GLDC: variants seen among roughly 807,000 people sequenced by gnomAD.
GLDC encodes glycine decarboxylase, also known as glycine dehydrogenase (decarboxylating), mitochondrial.
Under a neutral mutation model 121.3 loss-of-function variants are expected in GLDC, and 104 were observed. That is an observed-to-expected ratio of 0.86 (90% CI 0.73 to 1.01). GLDC has a LOEUF of 1.01. GLDC is among the 50% of genes least tolerant of loss of function. The probability of loss-of-function intolerance (pLI) is 0.00; values close to 1 mark genes in which losing one functional copy is unlikely to be tolerated. For synonymous variants in GLDC, 546 were observed against 480.6 expected (o/e 1.14, Z -1.78); for missense variants, 1,429 against 1,306.6 (o/e 1.09, Z -1.44).
chr9:6,628,611 CCTCGT>C (rs2129976834), intron 2 of GLDC, among the ~76,000 whole-genome samples: 1 of 152,266 alleles, frequency 6.6e-6, no homozygotes, highest in African/African-American at 2.4e-5. Flanking sequence ...CATAGTGAGA[CCTCGT>C]CTCTACAAAA....
chr9:6,545,569 C>T (rs1484236470), intron 21 of GLDC, among the ~76,000 whole-genome samples: 1 of 152,172 alleles, frequency 6.6e-6, no homozygotes, highest in Non-Finnish European at 1.5e-5. Context: ...TTTGTGAACG[C>T]TGTACACTTA....
intron 16 of GLDC, among the ~76,000 whole-genome samples, 181 bp from the exon 17 acceptor site, chr9:6,558,865 A>G (rs970788980): frequency 7.2e-5 from 11 of 152,232 alleles, no homozygotes; most frequent in Non-Finnish European, 7.3e-5. Context: ...AGCAATGTCC[A>G]AAAAAAGTTT....
intron 22 of GLDC, 29 bp from the exon 23 acceptor site, chr9:6,536,265 C>T (rs1817129009): frequency 6.3e-7 from 1 of 1,599,380 alleles, no homozygotes; most frequent in Non-Finnish European, 8.5e-7. Flanking sequence ...GAACTTGCCT[C>T]ACTGAAGGTC....
At chr9:6,641,776 T>G (rs1819634750) in intron 2 of GLDC, among the ~76,000 whole-genome samples, 1 of 152,240 alleles carries the variant, frequency 6.6e-6, no homozygotes, top group Non-Finnish European at 1.5e-5. Flanking sequence ...ATTTCCAAAC[T>G]GATCACAATC....
intron 18 of GLDC, among the ~76,000 whole-genome samples, chr9:6,555,515 T>TC (rs1206449792): frequency 5.9e-5 from 9 of 151,282 alleles, no homozygotes; most frequent in Non-Finnish European, 8.8e-5. Flanking sequence ...ACACCTGTAA[T>TC]CCTAGCACTT....
At chr9:6,626,823 C>A (rs908929839) in intron 2 of GLDC, among the ~76,000 whole-genome samples, 2 of 152,180 alleles carry the variant, frequency 1.3e-5, no homozygotes, top group Non-Finnish European at 2.9e-5. Flanking sequence ...GCCACTCAGG[C>A]ACTGGTCATG....
rs574881547 is a variant in GLDC, at chr9:6,544,712, A to G, written c.2570-4566T>C. Among the ~76,000 whole-genome samples the G allele has an allele frequency of 4.4e-3, 623 of 141,506 alleles. 3 individuals are homozygous for G. Among genetic ancestry groups the G allele is most frequent in the Non-Finnish European group, 5.2e-3 (349 of 67,008 alleles). The allele number at this position is 141,506 out of a possible 152,430, so 92.8% of individuals were successfully genotyped here. A position where few individuals can be genotyped will look rare whatever the true frequency, so the allele number is the denominator to read the frequency against. On this transcript the variant is annotated intron_variant, in intron 21 of 24. Transcript: ENST00000321612. ...AAAGAAAACGTTGGGATACTAACAAAGTCATCTCCTCCTACTAATGGGAAC... is the reference window on the plus strand; with the variant it reads ...AAAGAAAACGTTGGGATACTAACAAGGTCATCTCCTCCTACTAATGGGAAC...
At chr9:6,631,180 C>G (rs1819370001) in intron 2 of GLDC, among the ~76,000 whole-genome samples, 1 of 152,216 alleles carries the variant, frequency 6.6e-6, no homozygotes, top group African/African-American at 2.4e-5. Context: ...TCCCTGTCTT[C>G]TTGCTCAGCC....
chr9:6,618,206 A>C (rs1819003842), intron 3 of GLDC, among the ~76,000 whole-genome samples: 1 of 152,228 alleles, frequency 6.6e-6, no homozygotes, highest in South Asian at 2.1e-4. Context: ...ATTTGAAATA[A>C]AATTTCAACT....
At chr9:6,599,824 T>G (rs536342575) in intron 8 of GLDC, among the ~76,000 whole-genome samples, 1 of 152,158 alleles carries the variant, frequency 6.6e-6, no homozygotes, top group East Asian at 1.9e-4. Context: ...CCTATCATAC[T>G]GGAAGAGCTC....
At chr9:6,630,823 CCAA>C (rs935117626) in intron 2 of GLDC, among the ~76,000 whole-genome samples, 1 of 152,108 alleles carries the variant, frequency 6.6e-6, no homozygotes, top group African/African-American at 2.4e-5. Context: ...GATCCTTTCC[CCAA>C]CATCACCCAG....
At chr9:6,611,339 C>T (rs888766209) in intron 3 of GLDC, among the ~76,000 whole-genome samples, 25 of 152,288 alleles carry the variant, frequency 1.6e-4, no homozygotes, top group Non-Finnish European at 2.9e-4. Flanking sequence ...GGGCGGATCA[C>T]GAGGTCAGGA....
At chr9:6,629,368 C>T (rs1369440184) in intron 2 of GLDC, among the ~76,000 whole-genome samples, 1 of 151,924 alleles carries the variant, frequency 6.6e-6, no homozygotes, top group African/African-American at 2.4e-5. Flanking sequence ...GCACCTGCCA[C>T]CATGCCCGGC....
chr9:6,644,736 AAG>A (rs1337657676), intron 1 of GLDC, 44 bp from the exon 2 acceptor site: 2 of 1,301,404 alleles, frequency 1.5e-6, no homozygotes, highest in Non-Finnish European at 2.2e-6. Flanking sequence ...TCTGAGTTAA[AAG>A]AGTCACCTCT....
chr9:6,628,209 G>A (rs2129975678), intron 2 of GLDC, among the ~76,000 whole-genome samples: 1 of 152,302 alleles, frequency 6.6e-6, no homozygotes, highest in East Asian at 1.9e-4. Flanking sequence ...ACAGTATGGG[G>A]TCCTTCAATC....
In GLDC at chr9:6,550,900, C is replaced by G; in HGVS notation, c.2472G>C (p.Lys824Asn). 6.2e-7 allele frequency: 1 copy of G among 1,609,492 alleles called. No individual in the cohort carries two copies. Among genetic ancestry groups the G allele is most frequent in the South Asian group, 1.1e-5 (1 of 90,964 alleles). ...SWAYIKMMGG[K>N]GLKQATETAI... ...CAGTTTCCGTGGCTTGTTTAAGACC[C>G]TTGCCTCCCATCATCTGCAACAAAG... The change falls in exon 21 of 25, where the codon AAG becomes AAC. Residue 824 changes from lysine to asparagine, a missense_variant. Transcript: ENST00000321612.
At chr9:6,543,468 A>C (rs1817313568) in intron 21 of GLDC, among the ~76,000 whole-genome samples, 1 of 152,178 alleles carries the variant, frequency 6.6e-6, no homozygotes, top group African/African-American at 2.4e-5. Context: ...AGGCACCGTC[A>C]AGCCAAGCCC....
intron 22 of GLDC, among the ~76,000 whole-genome samples, chr9:6,539,634 T>C (rs1817213634): frequency 6.6e-6 from 1 of 152,224 alleles, no homozygotes. Context: ...TGCATTTTCT[T>C]TGTGAAAACT....
chr9:6,633,821 C>CT (rs1156711956), intron 2 of GLDC, among the ~76,000 whole-genome samples: 9,245 of 89,060 alleles, frequency 0.1, 1,628 homozygotes, highest in African/African-American at 0.14. Context: ...GCAGGAGAAT[C>CT]TTTTTTTTTT....
Sources: gnomAD v4.1 joint callset for allele counts (sites outside exome capture counted in the v4.1 genomes callset) on GRCh38, gnomAD v4.1.1 for gene constraint, MANE v1.5 for transcripts, NCBI Gene and HGNC (gene_info 2026-07-23, HGNC 2026-07-21) for gene names.